NHSL1: variants seen among roughly 807,000 people sequenced by gnomAD.
NHSL1 encodes NHS like 1.
A neutral mutation model predicts 95.0 loss-of-function variants in NHSL1; 48 were observed. The observed-to-expected ratio is 0.51, with a 90% confidence interval of 0.40 to 0.64. NHSL1 has a LOEUF of 0.64. Ranked by LOEUF, NHSL1 falls within the 30% of genes least tolerant of loss-of-function variation. The pLI is 0.00. For missense variants in NHSL1, 1,971 were observed against 2,077.7 expected (o/e 0.95, Z 1.00); for synonymous variants, 783 against 833.9 (o/e 0.94, Z 1.05).
At chr6:138,534,649 T>C (rs1169063366) in intron 1 of NHSL1, among the ~76,000 whole-genome samples, 1 of 152,208 alleles carries the variant, frequency 6.6e-6, no homozygotes, top group African/African-American at 2.4e-5. Flanking sequence ...AATAAAGCCA[T>C]GGAAATCAGT....
Position 138,430,719 on chromosome 6 carries a change from T to C in NHSL1, c.3626A>G (p.Gln1209Arg), listed in dbSNP as rs1424548070. ...PKLFLVVPPP[Q>R]KDFAVEPAEN... ...TGCGGGCTCCACTGCAAAATCTTTC[T>C]GCGGAGGTGGTACCACCAGGAACAG... Residue 1209 changes from glutamine (Q) to arginine (R), a missense_variant, in exon 6 of 8, where the codon CAG (glutamine) becomes CGG (arginine). Physicochemically the swap from Gln to Arg is conservative, Grantham distance 43. Around this residue, in one of 3 missense-constraint regions of NHSL1, gnomAD observed 1,602 missense variants for 1,654.5 expected, o/e 0.97. Transcript: ENST00000343505. This position sits in a 1 kb window ranked among gnomAD's most constrained non-coding sequence, Gnocchi z 4.7. 3.2e-6 allele frequency: 5 copies of C among 1,551,618 alleles called. No homozygotes were observed. Among genetic ancestry groups the C allele is most frequent in the Non-Finnish European group, 4.4e-6 (5 of 1,147,022 alleles).
Position 138,430,352 on chromosome 6 carries a change from G to T in NHSL1, c.3952+41C>A. On this transcript the variant is annotated intron_variant, in intron 6 of 7. Coordinates refer to ENST00000343505, the MANE Select transcript of NHSL1 (RefSeq NM_001144060.2). The surrounding 1 kb of genome is among the most constrained non-coding windows in gnomAD (Gnocchi z 4.7). ...CCCTATCTGGTTCAGCTGCATATGG[G>T]CAGAGGGCACAGGAGAGAGAAGCCA... The T allele has an allele frequency of 1.4e-6, 2 of 1,439,926 alleles. No homozygotes were observed. The highest frequency in any genetic ancestry group is 1.8e-6 in the Non-Finnish European group (2 of 1,092,780). 89.2% of individuals were successfully genotyped at this position (1,439,926 alleles called of 1,614,324 possible).
intron 1 of NHSL1, among the ~76,000 whole-genome samples, chr6:138,592,874 C>T (rs1324071696): frequency 6.6e-6 from 1 of 152,154 alleles, no homozygotes; most frequent in Non-Finnish European, 1.5e-5. Context: ...TCTCCAAAAG[C>T]ATCACATATA....
At chr6:138,529,785 T>C (rs1204670179) in intron 1 of NHSL1, among the ~76,000 whole-genome samples, 7 of 152,244 alleles carry the variant, frequency 4.6e-5, no homozygotes, top group Non-Finnish European at 7.3e-5. Context: ...TGCTTTTCAG[T>C]GCTCCTGTGA....
chr6:138,563,025 G>C (rs1583414304), intron 1 of NHSL1, among the ~76,000 whole-genome samples: 1 of 152,166 alleles, frequency 6.6e-6, no homozygotes, highest in African/African-American at 2.4e-5. Flanking sequence ...TTAAGTCCTT[G>C]ATGCCAAAAC....
chr6:138,636,046 C>T lies in NHSL1; in HGVS notation c.96+56430G>A, dbSNP rs566673819. Among the ~76,000 whole-genome samples, 3 of 150,832 alleles carry T rather than the reference C, an allele frequency of 2.0e-5. No individual in the cohort carries two copies. In the South Asian group the frequency reaches 6.3e-4, roughly 32 times the overall value. The stretch of plus-strand genomic sequence containing the variant: ...GCTGAGGCAGAACAATCACTTGAAC[C>T]CAGGAGGCGAAGGTTGCAGTGAGCT... On this transcript the variant is annotated intron_variant, in intron 1 of 3. Coordinates refer to the NHSL1 transcript ENST00000491526.
At chr6:138,456,123 C>A (rs1777597046) in intron 3 of NHSL1, among the ~76,000 whole-genome samples, 1 of 152,134 alleles carries the variant, frequency 6.6e-6, no homozygotes, top group Non-Finnish European at 1.5e-5. Flanking sequence ...TTATCGAAAC[C>A]AGAACACCTC....
At chr6:138,496,138 G>T in intron 2 of NHSL1, 81 bp downstream of exon 2, 1 of 1,394,736 alleles carries the variant, frequency 7.2e-7, no homozygotes, top group Non-Finnish European at 9.9e-7. Context: ...AAGTAGAGCT[G>T]GTTTTATAAA....
intron 1 of NHSL1, among the ~76,000 whole-genome samples, chr6:138,636,157 G>A (rs2114672039): frequency 1.3e-5 from 2 of 149,620 alleles, no homozygotes; most frequent in Non-Finnish European, 1.5e-5. Flanking sequence ...ACAGAATGAA[G>A]GAAAAAAAAC....
At chr6:138,575,275 A>G (rs1406587605), upstream of NHSL1, among the ~76,000 whole-genome samples, 4 of 152,176 alleles carry the variant, frequency 2.6e-5, no homozygotes, top group Non-Finnish European at 5.9e-5. Flanking sequence ...GTGCATACAC[A>G]CAGCAGCAAA....
At chr6:138,512,210 G>A (rs1583333138) in intron 1 of NHSL1, 1 of 446,150 alleles carries the variant, frequency 2.2e-6, no homozygotes, top group East Asian at 7.1e-5. Context: ...TAATGTTTAT[G>A]CACAATCATT....
At chr6:138,583,261 A>C (rs944170794) in intron 1 of NHSL1, among the ~76,000 whole-genome samples, 8 of 152,204 alleles carry the variant, frequency 5.3e-5, no homozygotes, top group Admixed American at 5.2e-4. Flanking sequence ...CTTCCTAGGC[A>C]GGAGGGCTGC....
intron 1 of NHSL1, among the ~76,000 whole-genome samples, chr6:138,582,422 T>G (rs912993161): frequency 2.0e-5 from 3 of 151,518 alleles, no homozygotes; most frequent in Non-Finnish European, 4.4e-5. Context: ...CCAAAAAAAC[T>G]TCGAAAAATT....
intron 3 of NHSL1, among the ~76,000 whole-genome samples, chr6:138,457,353 A>C (rs1237440130): frequency 8.9e-6 from 1 of 112,760 alleles, no homozygotes; most frequent in East Asian, 2.6e-4. Context: ...CTCGTTAGCA[A>C]AACATCTTTC....
At chr6:138,524,444 T>C (rs951436417) in intron 1 of NHSL1, among the ~76,000 whole-genome samples, 1 of 152,212 alleles carries the variant, frequency 6.6e-6, no homozygotes, top group African/African-American at 2.4e-5. Flanking sequence ...CACCATAGAT[T>C]AGTTTTGCCT....
At chr6:138,463,567 C>T (rs1778140255) in intron 3 of NHSL1, among the ~76,000 whole-genome samples, 1 of 148,784 alleles carries the variant, frequency 6.7e-6, no homozygotes, top group Non-Finnish European at 1.5e-5. Flanking sequence ...GATACATGAG[C>T]TGAACGTGCA....
In NHSL1 at chr6:138,431,576, G is replaced by A. The variant is rs746614179; in HGVS notation, c.2769C>T (p.Ala923=). The stretch of plus-strand genomic sequence containing the variant: ...GAGGAGGAGCCGGGGGAGAGCCCAC[G>A]GCTGGATCCAGCTTCTTCATAGTGC... ...GSGTMKKLDP[A]VGSPPAPPPP... The change falls in exon 6 of 8, where the codon GCC becomes GCT. Residue 923 remains alanine (A), a synonymous_variant. Coordinates refer to ENST00000343505, the MANE Select transcript of NHSL1 (RefSeq NM_001144060.2). The surrounding 1 kb of genome is among the most constrained non-coding windows in gnomAD (Gnocchi z 4.0). The A allele has an allele frequency of 1.2e-5, 18 of 1,551,372 alleles. No individual in the cohort carries two copies. The highest frequency in any genetic ancestry group is 2.7e-5 in the African/African-American group (2 of 72,990).
rs1775002552 is a variant in NHSL1 at position 138,422,859 on chromosome 6, A to G, written c.*1222T>C. On this transcript the variant is annotated 3_prime_UTR_variant, in exon 8 of 8. Coordinates refer to ENST00000343505, the MANE Select transcript of NHSL1 (RefSeq NM_001144060.2). ...GCTAATTGATAGCCAGGCCCTACCAATTTTTATCAGTTTATTTGACTAACA... is the reference window on the plus strand; with the variant it reads ...GCTAATTGATAGCCAGGCCCTACCAGTTTTTATCAGTTTATTTGACTAACA... 6.6e-6 allele frequency: 1 copy of G among 152,146 alleles called. No individual in the cohort carries two copies. Among genetic ancestry groups the G allele is most frequent in the South Asian group, 2.1e-4 (1 of 4,830 alleles). 9.4% of individuals were successfully genotyped at this position (152,146 alleles called of 1,614,324 possible).
At chr6:138,478,699 A>T (rs1368603865) in intron 2 of NHSL1, among the ~76,000 whole-genome samples, 1 of 152,250 alleles carries the variant, frequency 6.6e-6, no homozygotes, top group East Asian at 1.9e-4. Context: ...TCCTAAATGT[A>T]AAAGAAGACC....
Sources: gnomAD v4.1 joint callset for allele counts (sites outside exome capture counted in the v4.1 genomes callset) on GRCh38, gnomAD v4.1.1 for gene constraint, gnomAD v4.1.1 regional missense constraint, Gnocchi (gnomAD v3.1) non-coding constraint, MANE v1.5 for transcripts, NCBI Gene and HGNC (gene_info 2026-07-23, HGNC 2026-07-21) for gene names.